ANKRD30BL: variants seen among roughly 807,000 people sequenced by gnomAD.
ANKRD30BL encodes the protein putative ankyrin repeat domain-containing protein 30B-like.
Under a neutral mutation model 18.4 loss-of-function variants are expected in ANKRD30BL, and 20 were observed. The observed-to-expected ratio is 1.09, with a 90% CI of 0.77 to 1.58. ANKRD30BL has a LOEUF of 1.58. ANKRD30BL is among the 40% of genes most tolerant of loss of function. ANKRD30BL has a pLI of 0.00. For synonymous variants in ANKRD30BL, 72 were observed against 100.9 expected (o/e 0.71, Z 1.72); for missense variants, 224 against 268.6 (o/e 0.83, Z 1.16).
chr2:132,229,240 C>T (rs1425486779), intron 1 of ANKRD30BL, among the ~76,000 whole-genome samples: 1 of 151,586 alleles, frequency 6.6e-6, no homozygotes, highest in African/African-American at 2.4e-5. Flanking sequence ...GCAAGTGGAC[C>T]TTTCGAGTGC....
Position 132,253,660 on chromosome 2 carries a change from A to C in ANKRD30BL, n.441+3869T>G, listed in dbSNP as rs567991722. Among the ~76,000 whole-genome samples the C allele has an allele frequency of 5.7e-4, 86 of 151,726 alleles. 1 individual carries two copies. Among genetic ancestry groups the C allele is most frequent in the African/African-American group, 1.8e-3 (74 of 41,362 alleles). The stretch of plus-strand genomic sequence containing the variant: ...GCCGGGGGGACGGAGTCGGCAGGGG[A>C]GGCGAGGGAGGGGCGGGCCCCTCCT... On this transcript the variant is annotated intron_variant and non_coding_transcript_variant, in intron 1 of 4. Transcript: ENST00000470729.
intron 1 of ANKRD30BL, among the ~76,000 whole-genome samples, chr2:132,205,492 T>G (rs1679193483): frequency 6.6e-6 from 1 of 151,142 alleles, no homozygotes; most frequent in Non-Finnish European, 1.5e-5. Flanking sequence ...TCGCAGCTAC[T>G]CGGGAGGCTG....
At chr2:132,242,600 C>T (rs986222358) in intron 1 of ANKRD30BL, among the ~76,000 whole-genome samples, 3 of 151,844 alleles carry the variant, frequency 2.0e-5, no homozygotes, top group African/African-American at 7.2e-5. Context: ...GTGTACTCAA[C>T]TCACCGAGTT....
intron 1 of ANKRD30BL, among the ~76,000 whole-genome samples, chr2:132,241,482 G>A (rs1197866462): frequency 6.6e-6 from 1 of 151,544 alleles, no homozygotes; most frequent in African/African-American, 2.4e-5. Context: ...GACATTTGGA[G>A]CACTTTGAGG....
intron 1 of ANKRD30BL, among the ~76,000 whole-genome samples, chr2:132,249,304 CCT>C: frequency 6.6e-6 from 1 of 152,202 alleles, no homozygotes; most frequent in East Asian, 1.9e-4. Context: ...GAAGATATTT[CCT>C]TTTTCACCAT....
intron 1 of ANKRD30BL, chr2:132,257,123 C>G (rs748455998): frequency 2.1e-6 from 1 of 470,570 alleles, no homozygotes; most frequent in Non-Finnish European, 4.2e-6. Flanking sequence ...CCATCAGGAC[C>G]CCGAGGTGAC....
intron 1 of ANKRD30BL, among the ~76,000 whole-genome samples, chr2:132,202,643 T>A (rs200105868): frequency 0.012 from 1,153 of 97,168 alleles, no homozygotes; most frequent in East Asian, 0.047. Flanking sequence ...GGTAAAAAAA[T>A]TTTAAAAACA....
Position 132,249,915 on chromosome 2 carries a change from C to A in ANKRD30BL, n.441+7614G>T, listed in dbSNP as rs549836831. Among the ~76,000 whole-genome samples, 5 of 152,088 alleles carry A rather than the reference C, an allele frequency of 3.3e-5. No homozygotes were observed. The South Asian group carries it at 1.0e-3, about 32-fold the overall frequency. ...TCTGCTCAATGAAAAGAAACATTTA[C>A]CTCTGTGAGATGAACACACACATCA... On this transcript the variant is annotated intron_variant and non_coding_transcript_variant, in intron 1 of 4. Coordinates refer to the ANKRD30BL transcript ENST00000470729.
rs1679720200 is a variant in ANKRD30BL, at chr2:132,222,554, T to C, written n.441+34975A>G. On this transcript the variant is annotated intron_variant and non_coding_transcript_variant, in intron 1 of 4. Coordinates refer to the ANKRD30BL transcript ENST00000470729. The stretch of plus-strand genomic sequence containing the variant: ...ACCTTACCCCCAACCCTGTGCTCTC[T>C]GAAACATGTGCTGTGTCCACTCAGT... Among the ~76,000 whole-genome samples the C allele has an allele frequency of 2.0e-5, 3 of 152,216 alleles. No individual in the cohort carries two copies. In the South Asian group the frequency reaches 6.2e-4, roughly 32 times the overall value.
upstream of ANKRD30BL, among the ~76,000 whole-genome samples, chr2:132,164,269 C>CTTTTCTTTTT (rs1438777753): frequency 8.9e-6 from 1 of 112,224 alleles, no homozygotes; most frequent in African/African-American, 3.4e-5. Flanking sequence ...TTTTCTTTTT[C>CTTTTCTTTTT]TTTTTTTTTT....
chr2:132,203,231 G>A (rs1380292498), intron 1 of ANKRD30BL, among the ~76,000 whole-genome samples: 1 of 152,288 alleles, frequency 6.6e-6, no homozygotes, highest in Non-Finnish European at 1.5e-5. Flanking sequence ...AAGGAGCTTG[G>A]CTCAATCCTT....
At chr2:132,223,770 C>A (rs552046564) in intron 1 of ANKRD30BL, among the ~76,000 whole-genome samples, 9 of 152,132 alleles carry the variant, frequency 5.9e-5, no homozygotes, top group African/African-American at 2.2e-4. Context: ...GGCTTTCAGG[C>A]CTACAGTGGA....
intron 1 of ANKRD30BL, among the ~76,000 whole-genome samples, chr2:132,228,850 T>G (rs1393376456): frequency 6.6e-6 from 1 of 151,280 alleles, no homozygotes; most frequent in Non-Finnish European, 1.5e-5. Context: ...AACCTTTCTT[T>G]TGACTGAGCA....
At chr2:132,160,120 T>A (rs1163547303) in intron 1 of ANKRD30BL, among the ~76,000 whole-genome samples, 1 of 152,176 alleles carries the variant, frequency 6.6e-6, no homozygotes, top group South Asian at 2.1e-4. Flanking sequence ...TTATTTATTT[T>A]TGAGACAGAG....
At chr2:132,209,855 C>T (rs1300860569) in intron 1 of ANKRD30BL, among the ~76,000 whole-genome samples, 1 of 151,826 alleles carries the variant, frequency 6.6e-6, no homozygotes, top group Non-Finnish European at 1.5e-5. Context: ...AAGGAAATAT[C>T]TTCACATAAA....
At chr2:132,216,366 G>A (rs12615141) in intron 1 of ANKRD30BL, among the ~76,000 whole-genome samples, 25,637 of 151,144 alleles carry the variant, frequency 0.17, 4,778 homozygotes, top group African/African-American at 0.46. Flanking sequence ...TCACATAAGA[G>A]CTAGACAGAA....
chr2:132,206,279 G>A (rs368696355), intron 1 of ANKRD30BL, among the ~76,000 whole-genome samples: 3 of 152,156 alleles, frequency 2.0e-5, no homozygotes, highest in Admixed American at 1.3e-4. Flanking sequence ...AACTTGCTAC[G>A]AATGGAAACA....
At chr2:132,244,126 T>G (rs1680413156) in intron 1 of ANKRD30BL, among the ~76,000 whole-genome samples, 1 of 152,228 alleles carries the variant, frequency 6.6e-6, no homozygotes, top group Non-Finnish European at 1.5e-5. Context: ...TTGTGATTTG[T>G]GTACTCAACT....
At chr2:132,193,132 T>C (rs982070425) in intron 1 of ANKRD30BL, among the ~76,000 whole-genome samples, 1 of 152,104 alleles carries the variant, frequency 6.6e-6, no homozygotes, top group Non-Finnish European at 1.5e-5. Context: ...CAAAATGACA[T>C]GACAAGCTGC....
Sources: gnomAD v4.1 joint callset for allele counts (sites outside exome capture counted in the v4.1 genomes callset) on GRCh38, gnomAD v4.1.1 for gene constraint, MANE v1.5 for transcripts, NCBI Gene and HGNC (gene_info 2026-07-23, HGNC 2026-07-21) for gene names.